The following GRAMD4 variants were observed in gnomAD, a reference collection of about 807,000 sequenced individuals.
The protein encoded by GRAMD4 is GRAM domain containing 4.
In GRAMD4, 25 loss-of-function variants were observed where a neutral mutation model predicts 83.9. The ratio of observed to expected loss-of-function variants is 0.30; its 90% CI spans 0.22 to 0.42. GRAMD4 has a LOEUF of 0.42. Among genes scored for constraint, GRAMD4 ranks in the 10% least tolerant of loss-of-function variants. The pLI is 1.00. For synonymous variants in GRAMD4, 336 were observed against 320.9 expected (o/e 1.05, Z -0.50); for missense variants, 593 against 788.7 (o/e 0.75, Z 2.97).
upstream of GRAMD4, among the ~76,000 whole-genome samples, chr22:46,618,515 G>A (rs924288042): frequency 3.3e-5 from 5 of 152,150 alleles, no homozygotes; most frequent in African/African-American, 1.2e-4. This position sits in a 1 kb window ranked among gnomAD's most constrained non-coding sequence, Gnocchi z 5.8. Flanking sequence ...CTGCAGCCAA[G>A]CCTAGATGAG....
intron 1 of GRAMD4, among the ~76,000 whole-genome samples, chr22:46,607,757 G>A (rs916052940): frequency 6.6e-6 from 1 of 152,172 alleles, no homozygotes; most frequent in African/African-American, 2.4e-5. Context: ...GGGACCGAGT[G>A]CCCTACCACA....
Position 46,637,868 on chromosome 22 carries a change from C to G in GRAMD4, c.191C>G (p.Thr64Arg). 3.1e-6 allele frequency: 5 copies of G among 1,614,018 alleles called. No homozygotes were observed. Among genetic ancestry groups the G allele is most frequent in the Non-Finnish European group, 4.2e-6 (5 of 1,179,852 alleles). ...PAGPGTLIMA[T>R]GVQDFNRTEF... ...GGTCCAGGGACCCTCATCATGGCCACAGGAGTCCAGGACTTTAACCGGACA... is the reference window on the plus strand; with the variant it reads ...GGTCCAGGGACCCTCATCATGGCCAGAGGAGTCCAGGACTTTAACCGGACA... Residue 64 changes from threonine to arginine, a missense_variant, in exon 3 of 19, where the codon ACA (threonine) becomes AGA (arginine). Around this residue, in one of 4 missense-constraint regions of GRAMD4, gnomAD observed 312 missense variants for 350.7 expected, o/e 0.89. Transcript: ENST00000406902.
chr22:46,617,675 T>C (rs1055442560), upstream of GRAMD4, among the ~76,000 whole-genome samples: 1 of 152,108 alleles, frequency 6.6e-6, no homozygotes, highest in African/African-American at 2.4e-5. Context: ...TTCCTGACTG[T>C]CTCTCCTGGG....
At chr22:46,606,845 C>T (rs2081370354) in intron 1 of GRAMD4, among the ~76,000 whole-genome samples, 1 of 152,266 alleles carries the variant, frequency 6.6e-6, no homozygotes, top group South Asian at 2.1e-4. Flanking sequence ...GTGCCAGTAT[C>T]TCTTTGTGTC....
chr22:46,609,742 C>T (rs1169413350), intron 1 of GRAMD4, among the ~76,000 whole-genome samples: 1 of 152,204 alleles, frequency 6.6e-6, no homozygotes, highest in Non-Finnish European at 1.5e-5. Context: ...GCAGGGTCTG[C>T]AGAGCATCCC....
At chr22:46,666,788 C>A in intron 9 of GRAMD4, 37 bp from the exon 10 acceptor site, 1 of 1,579,686 alleles carries the variant, frequency 6.3e-7, no homozygotes, top group Non-Finnish European at 8.7e-7. Flanking sequence ...ACTCAGGTGG[C>A]GCTGTCCTAA....
At chr22:46,616,855 T>TGC (rs752908564), upstream of GRAMD4, among the ~76,000 whole-genome samples, 2 of 24,300 alleles carry the variant, frequency 8.2e-5, no homozygotes, top group Admixed American at 4.2e-4. Flanking sequence ...CGTTCCCCTG[T>TGC]GTGTAGGTTC....
chr22:46,587,800 C>A, intron 1 of GRAMD4: 2 of 595,998 alleles, frequency 3.4e-6, no homozygotes, highest in Non-Finnish European at 4.2e-6. Context: ...GCCTGACCTG[C>A]CTAACAGTGG....
intron 17 of GRAMD4, among the ~76,000 whole-genome samples, chr22:46,675,758 C>T (rs535082982): frequency 2.0e-5 from 3 of 152,234 alleles, no homozygotes; most frequent in African/African-American, 7.2e-5. Context: ...TTGCCTGGAC[C>T]GTGTGTCTCA....
chr22:46,584,888 G>C (rs1048786930), intron 1 of GRAMD4, among the ~76,000 whole-genome samples: 2 of 152,230 alleles, frequency 1.3e-5, no homozygotes, highest in Admixed American at 1.3e-4. Flanking sequence ...GGGGAAGGAG[G>C]AGAAAGGCTG....
chr22:46,644,855 C>T (rs2082049673), intron 3 of GRAMD4, among the ~76,000 whole-genome samples: 1 of 143,732 alleles, frequency 7.0e-6, no homozygotes. Context: ...ACCTCAGCTT[C>T]CTGAGTAGCA....
chr22:46,656,904 C>T (rs2082252213), intron 3 of GRAMD4, among the ~76,000 whole-genome samples: 1 of 152,198 alleles, frequency 6.6e-6, no homozygotes, highest in African/African-American at 2.4e-5. Flanking sequence ...CCCTCAGCCA[C>T]CATAGGCCAC....
At chr22:46,643,145 A>T (rs1248857943) in intron 3 of GRAMD4, among the ~76,000 whole-genome samples, 1 of 119,810 alleles carries the variant, frequency 8.3e-6, no homozygotes. Context: ...GCATCCTTCC[A>T]TCCATCCATC....
At chr22:46,660,155 G>A (rs1036980357) in intron 4 of GRAMD4, among the ~76,000 whole-genome samples, 2 of 152,294 alleles carry the variant, frequency 1.3e-5, no homozygotes, top group East Asian at 3.9e-4. Context: ...TGCCCAGCCC[G>A]GGTCAGCTGT....
intron 1 of GRAMD4, among the ~76,000 whole-genome samples, chr22:46,601,967 T>A (rs961113325): frequency 6.6e-6 from 1 of 152,192 alleles, no homozygotes; most frequent in Non-Finnish European, 1.5e-5. Context: ...GGGCAGCTCT[T>A]GGGCATGCTT....
chr22:46,623,544 C>G (rs571848082), intron 1 of GRAMD4, among the ~76,000 whole-genome samples: 79 of 151,728 alleles, frequency 5.2e-4, no homozygotes, highest in African/African-American at 1.8e-3. Context: ...TACAGGTGCC[C>G]GCCACCTTGC....
At chr22:46,627,845 T>C (rs559581809) in intron 2 of GRAMD4, among the ~76,000 whole-genome samples, 172 of 152,370 alleles carry the variant, frequency 1.1e-3, no homozygotes, top group Middle Eastern at 3.4e-3. Flanking sequence ...CACTGCCCGA[T>C]CAGGCAGGTG....
intron 6 of GRAMD4, 80 bp downstream of exon 6, chr22:46,663,252 C>T: frequency 1.5e-6 from 2 of 1,355,512 alleles, no homozygotes; most frequent in Non-Finnish European, 2.1e-6. Flanking sequence ...GTGGGCCATC[C>T]TTTATCACCG....
chr22:46,659,669 C>T lies in GRAMD4; in HGVS notation c.404+1362C>T, dbSNP rs1051365837. ...GGCTGACTCCCACTTCTTCCTTGCC[C>T]GCCTCCTGCAGGTCAGCATGACCTT... On this transcript the variant is annotated intron_variant, in intron 4 of 18. Coordinates refer to ENST00000406902, the MANE Select transcript of GRAMD4 (RefSeq NM_015124.5). This position sits in a 1 kb window ranked among gnomAD's most constrained non-coding sequence, Gnocchi z 4.1. Among the ~76,000 whole-genome samples, 3 of 152,138 alleles carry T rather than the reference C, an allele frequency of 2.0e-5. 1 individual carries two copies. The highest frequency in any genetic ancestry group is 2.1e-4 in the South Asian group (1 of 4,820).
Sources: allele counts gnomAD v4.1 joint callset (sites outside exome capture counted in the v4.1 genomes callset), GRCh38; gene constraint gnomAD v4.1.1; regional missense constraint gnomAD v4.1.1; non-coding constraint Gnocchi (gnomAD v3.1); transcripts MANE v1.5; gene names NCBI Gene and HGNC (gene_info 2026-07-23, HGNC 2026-07-21).